The following SAMTOR variants were observed in gnomAD, a reference collection of about 807,000 sequenced individuals.
SAMTOR encodes the protein S-adenosylmethionine sensor upstream of mTORC1.
the SAMTOR span, among the ~76,000 whole-genome samples, chr7:112,862,052 C>A: frequency 6.6e-6 from 1 of 152,076 alleles, no homozygotes; most frequent in Non-Finnish European, 1.5e-5. Flanking sequence ...CTCAGGAGTT[C>A]CAGACCAGGC....
At chr7:112,899,328 A>T in the SAMTOR span, among the ~76,000 whole-genome samples, 1 of 152,048 alleles carries the variant, frequency 6.6e-6, no homozygotes, top group Non-Finnish European at 1.5e-5. Context: ...AACAGAATTG[A>T]TCAAGCAGAA....
At chr7:112,906,544 A>G in the SAMTOR span, among the ~76,000 whole-genome samples, 6 of 151,356 alleles carry the variant, frequency 4.0e-5, no homozygotes, top group Middle Eastern at 3.4e-3. Flanking sequence ...TTTTGACTAA[A>G]GTAGACTAGA....
the SAMTOR span, among the ~76,000 whole-genome samples, chr7:112,834,565 G>GT: frequency 7.9e-5 from 12 of 152,068 alleles, no homozygotes; most frequent in African/African-American, 2.2e-4. Flanking sequence ...TTTAAATTGC[G>GT]TGACATTCTG....
the SAMTOR span, among the ~76,000 whole-genome samples, chr7:112,918,508 G>C: frequency 6.6e-6 from 1 of 152,142 alleles, no homozygotes; most frequent in Admixed American, 6.5e-5. Flanking sequence ...AAATTGTAAA[G>C]ACCCTCAAGG....
At chr7:112,857,236 C>T in the SAMTOR span, among the ~76,000 whole-genome samples, 8 of 150,630 alleles carry the variant, frequency 5.3e-5, no homozygotes, top group South Asian at 2.1e-4. Context: ...GGACTACAGG[C>T]GCCCACCACC....
At chr7:112,939,618 G>A in the SAMTOR span, 7 of 1,613,878 alleles carry the variant, frequency 4.3e-6, no homozygotes, top group African/African-American at 4.0e-5. Flanking sequence ...CGGAGCCGCC[G>A]GTGGACGCTC....
chr7:112,939,820 TAGG>T, the SAMTOR span: 20 of 1,270,252 alleles, frequency 1.6e-5, no homozygotes, highest in Non-Finnish European at 1.9e-5. Flanking sequence ...GGAGGTGGGG[TAGG>T]AGGAGGGAGC....
chr7:112,822,577 T>A, the SAMTOR span, among the ~76,000 whole-genome samples: 2 of 152,140 alleles, frequency 1.3e-5, no homozygotes, highest in South Asian at 4.1e-4. Flanking sequence ...AAAGACCTGC[T>A]AATCATCATT....
the SAMTOR span, chr7:112,939,808 G>T: frequency 2.9e-6 from 4 of 1,376,122 alleles, no homozygotes; most frequent in Non-Finnish European, 1.0e-6. Flanking sequence ...TCCCCAGATG[G>T]AGGAGGTGGG....
At chr7:112,908,239 G>T in the SAMTOR span, among the ~76,000 whole-genome samples, 1 of 151,996 alleles carries the variant, frequency 6.6e-6, no homozygotes. Flanking sequence ...AATGTGAGTG[G>T]GCCTCATTCA....
chr7:112,842,624 TTATC>T, the SAMTOR span, among the ~76,000 whole-genome samples: 1 of 151,996 alleles, frequency 6.6e-6, no homozygotes. Flanking sequence ...ACAGATAAAA[TTATC>T]TTAGTCTAAC....
chr7:112,909,724 G>GT, the SAMTOR span, among the ~76,000 whole-genome samples: 3 of 151,852 alleles, frequency 2.0e-5, no homozygotes, highest in Non-Finnish European at 4.4e-5. Flanking sequence ...GTCCTTCGGT[G>GT]TAACAGAAGA....
chr7:112,862,843 C>T, the SAMTOR span, among the ~76,000 whole-genome samples: 3 of 151,536 alleles, frequency 2.0e-5, no homozygotes, highest in African/African-American at 4.8e-5. Flanking sequence ...GCAGGAGAAT[C>T]GCTTGAACCC....
chr7:112,867,039 A>G, the SAMTOR span, among the ~76,000 whole-genome samples: 2 of 152,246 alleles, frequency 1.3e-5, no homozygotes, highest in Admixed American at 6.5e-5. Context: ...ACGTTTTTGT[A>G]ATGTCCATCA....
the SAMTOR span, among the ~76,000 whole-genome samples, chr7:112,833,490 T>C: frequency 6.6e-6 from 1 of 152,184 alleles, no homozygotes; most frequent in Non-Finnish European, 1.5e-5. Flanking sequence ...CAAAAAGTGG[T>C]ACATATCATT....
the SAMTOR span, among the ~76,000 whole-genome samples, chr7:112,836,461 T>C: frequency 3.4e-4 from 52 of 152,284 alleles, no homozygotes; most frequent in African/African-American, 1.2e-3. Flanking sequence ...TCTGTTGCTG[T>C]GCAGAAGCTC....
chr7:112,840,582 T>C, the SAMTOR span, among the ~76,000 whole-genome samples: 1 of 151,906 alleles, frequency 6.6e-6, no homozygotes, highest in Non-Finnish European at 1.5e-5. Flanking sequence ...CTTGTCTGTG[T>C]GAGGCAAGAC....
the SAMTOR span, among the ~76,000 whole-genome samples, chr7:112,824,626 GC>G: frequency 6.6e-6 from 1 of 152,120 alleles, no homozygotes; most frequent in Non-Finnish European, 1.5e-5. Context: ...CTCCCAAAGT[GC>G]TGGGATTACA....
chr7:112,822,532 A>G, the SAMTOR span, among the ~76,000 whole-genome samples: 1 of 152,124 alleles, frequency 6.6e-6, no homozygotes, highest in African/African-American at 2.4e-5. Context: ...GTATTCAACC[A>G]CAACTTTTAC....
Sources: allele counts gnomAD v4.1 joint callset (sites outside exome capture counted in the v4.1 genomes callset), GRCh38; gene constraint gnomAD v4.1.1; transcripts MANE v1.5; gene names NCBI Gene and HGNC (gene_info 2026-07-23, HGNC 2026-07-21).